The following XKR9 variants were observed in gnomAD, a reference collection of about 807,000 sequenced individuals.
XKR9 encodes the protein XK-related protein 9.
Under a neutral mutation model 32.0 loss-of-function variants are expected in XKR9, and 32 were observed. The observed-to-expected ratio is 1.00, with a 90% CI of 0.76 to 1.34. XKR9 has a LOEUF of 1.34. XKR9 is among the 40% of genes most tolerant of loss of function. XKR9 has a pLI of 0.00. For synonymous variants in XKR9, 168 were observed against 143.4 expected (o/e 1.17, Z -1.22); for missense variants, 546 against 429.7 (o/e 1.27, Z -2.39).
At chr8:70,822,072 T>C in the XKR9 span, among the ~76,000 whole-genome samples, 1 of 152,156 alleles carries the variant, frequency 6.6e-6, no homozygotes, top group Non-Finnish European at 1.5e-5. Context: ...TTCAATTCCT[T>C]TATATCTATA....
At chr8:70,816,099 G>A in the XKR9 span, among the ~76,000 whole-genome samples, 29 of 152,144 alleles carry the variant, frequency 1.9e-4, 1 homozygote, top group East Asian at 5.4e-3. Flanking sequence ...CAGCCTGGGC[G>A]ACAAGAGCAA....
At chr8:70,929,616 C>A in the XKR9 span, among the ~76,000 whole-genome samples, 1 of 152,166 alleles carries the variant, frequency 6.6e-6, no homozygotes. Context: ...GGTTGTACGA[C>A]TAAGGTTTAT....
At chr8:70,931,565 G>A in the XKR9 span, among the ~76,000 whole-genome samples, 2 of 152,228 alleles carry the variant, frequency 1.3e-5, 1 homozygote, top group Middle Eastern at 6.8e-3. Flanking sequence ...GCCCATTCTT[G>A]TGTCACTATA....
the XKR9 span, among the ~76,000 whole-genome samples, chr8:71,064,514 T>A: frequency 1.3e-5 from 2 of 152,346 alleles, no homozygotes; most frequent in South Asian, 4.1e-4. Context: ...AAACATTTCT[T>A]GTGTTCAATT....
At chr8:70,935,206 T>TACACACACACACACACACAC in the XKR9 span, among the ~76,000 whole-genome samples, 4 of 82,594 alleles carry the variant, frequency 4.8e-5, no homozygotes, top group African/African-American at 2.7e-4. Flanking sequence ...CATATACATA[T>TACACACACACACACACACAC]ATACACACAC....
intron 4 of XKR9, among the ~76,000 whole-genome samples, chr8:70,732,501 T>C (rs1806704847): frequency 6.6e-6 from 1 of 152,218 alleles, no homozygotes; most frequent in African/African-American, 2.4e-5. Flanking sequence ...TACTGAACCA[T>C]GGGCTGGTAG....
downstream of XKR9, among the ~76,000 whole-genome samples, chr8:70,792,843 A>C (rs1428149677): frequency 1.3e-5 from 2 of 152,170 alleles, no homozygotes; most frequent in Non-Finnish European, 2.9e-5. Context: ...ACCGTGTGAG[A>C]ACACAGTGAG....
At chr8:71,058,780 G>A in the XKR9 span, among the ~76,000 whole-genome samples, 1 of 152,192 alleles carries the variant, frequency 6.6e-6, no homozygotes, top group African/African-American at 2.4e-5. Flanking sequence ...CACTCTGATG[G>A]TTTAAAATGT....
intron 3 of XKR9, among the ~76,000 whole-genome samples, chr8:70,789,725 G>A (rs79755127): frequency 4.5e-5 from 5 of 111,996 alleles, no homozygotes; most frequent in African/African-American, 1.4e-4. Flanking sequence ...TTTTTTTTTA[G>A]TTAATAAAAC....
At chr8:70,964,415 G>C in the XKR9 span, among the ~76,000 whole-genome samples, 4 of 152,036 alleles carry the variant, frequency 2.6e-5, no homozygotes, top group African/African-American at 9.7e-5. Flanking sequence ...CTCCAGCTTT[G>C]TTCTTTTTGC....
In XKR9 at chr8:70,681,069, C is replaced by G. The variant is rs775529750; in HGVS notation, c.11C>G (p.Thr4Ser). The G allele has an allele frequency of 5.6e-6, 9 of 1,610,714 alleles. No homozygotes were observed. Among genetic ancestry groups the G allele is most frequent in the African/African-American group, 1.3e-5 (1 of 74,736 alleles). The change falls in exon 3 of 5, where the codon ACT (threonine) becomes AGT (serine). Residue 4 changes from threonine to serine, a missense_variant. Coordinates refer to ENST00000408926, the MANE Select transcript of XKR9 (RefSeq NM_001011720.2). ...CTATAGTCATTCGTAATGAAATATA[C>G]TAAACAGAATTTTATGATGTCAGTT... is the stretch of plus-strand genomic sequence containing the variant. The part of the protein sequence containing the change: MKY[T>S]KQNFMMSVLG...
the XKR9 span, among the ~76,000 whole-genome samples, chr8:70,986,053 A>G: frequency 2.0e-5 from 3 of 152,216 alleles, no homozygotes; most frequent in Non-Finnish European, 4.4e-5. Flanking sequence ...CAGACCAAAT[A>G]ATAATACTTG....
chr8:70,812,651 G>C, the XKR9 span, among the ~76,000 whole-genome samples: 1 of 152,078 alleles, frequency 6.6e-6, no homozygotes, highest in African/African-American at 2.4e-5. Context: ...ACCAATAACA[G>C]ACAAACAGAG....
At chr8:71,044,256 G>T in the XKR9 span, among the ~76,000 whole-genome samples, 2 of 152,190 alleles carry the variant, frequency 1.3e-5, no homozygotes, top group Non-Finnish European at 2.9e-5. Flanking sequence ...CTTTCCCATT[G>T]CTCTAGAGAG....
chr8:70,973,012 A>T, the XKR9 span, among the ~76,000 whole-genome samples: 73 of 152,180 alleles, frequency 4.8e-4, 1 homozygote, highest in African/African-American at 1.6e-3. Context: ...TTCTTTCCCT[A>T]TCTTTTGGAA....
the XKR9 span, among the ~76,000 whole-genome samples, chr8:70,799,595 G>A: frequency 6.6e-6 from 1 of 152,138 alleles, no homozygotes; most frequent in Non-Finnish European, 1.5e-5. Context: ...GCCTCCCAAA[G>A]TGCTGGAATT....
chr8:70,875,925 A>G, the XKR9 span, among the ~76,000 whole-genome samples: 3 of 152,140 alleles, frequency 2.0e-5, no homozygotes, highest in East Asian at 5.8e-4. Context: ...ATATCAGCAA[A>G]CCATAAATGT....
chr8:70,821,792 C>A, the XKR9 span, among the ~76,000 whole-genome samples: 1 of 152,338 alleles, frequency 6.6e-6, no homozygotes, highest in East Asian at 1.9e-4. Context: ...CTGCCCAAAA[C>A]AGCAAAGCCC....
intron 2 of XKR9, among the ~76,000 whole-genome samples, chr8:70,787,315 A>G (rs1203908382): frequency 6.6e-6 from 1 of 152,176 alleles, no homozygotes; most frequent in African/African-American, 2.4e-5. Flanking sequence ...GTAACCCTGG[A>G]GAAAATTTTA....
Sources: allele counts gnomAD v4.1 joint callset (sites outside exome capture counted in the v4.1 genomes callset), GRCh38; gene constraint gnomAD v4.1.1; transcripts MANE v1.5; gene names NCBI Gene and HGNC (gene_info 2026-07-23, HGNC 2026-07-21).